Variants in UGT2B7 observed in about 807,000 individuals in gnomAD.
UGT2B7 encodes UDP glucuronosyltransferase family 2 member B7.
A neutral mutation model predicts 51.9 loss-of-function variants in UGT2B7; 51 were observed. The ratio of observed to expected loss-of-function variants is 0.98; its 90% CI spans 0.78 to 1.24. The LOEUF is 1.24. UGT2B7 is among the 50% of genes most tolerant of loss of function. The probability of loss-of-function intolerance (pLI) is 0.00; values close to 1 mark genes in which losing one functional copy is unlikely to be tolerated. For synonymous variants in UGT2B7, 225 were observed against 211.6 expected, an observed-to-expected ratio of 1.06 and a Z score of -0.55; for missense variants, 727 against 628.4, an observed-to-expected ratio of 1.16 and a Z score of -1.68.
intron 1 of UGT2B7, among the ~76,000 whole-genome samples, chr4:69,086,567 A>G (rs1260180324): frequency 6.6e-6 from 1 of 151,882 alleles, no homozygotes; most frequent in Non-Finnish European, 1.5e-5. Flanking sequence ...TATTATTGTA[A>G]GTAAAGTGCT....
intron 1 of UGT2B7, among the ~76,000 whole-genome samples, chr4:69,069,336 T>C (rs1223653078): frequency 4.6e-5 from 7 of 152,044 alleles, no homozygotes; most frequent in East Asian, 1.9e-4. Context: ...AATTTTTTTT[T>C]CCCTGGATAA....
At chr4:69,075,630 C>T (rs1343430626) in intron 1 of UGT2B7, among the ~76,000 whole-genome samples, 1 of 152,076 alleles carries the variant, frequency 6.6e-6, no homozygotes, top group Non-Finnish European at 1.5e-5. Flanking sequence ...AAGTATCAGC[C>T]TGAGAAATAC....
rs756082617 is a variant in UGT2B7, at chr4:69,096,775, G to A, written c.255G>A (p.Glu85=). The change falls in exon 1 of 6, where the codon GAG becomes GAA. Residue 85 remains glutamate, a synonymous_variant. Transcript: ENST00000305231. ...EIYPTSLTKT[E]LENFIMQQIK... is the part of the protein sequence containing the mutation. ...ATCCCACATCTTTAACTAAAACTGA[G>A]TTGGAGAATTTCATCATGCAACAGA... The A allele has an allele frequency of 3.5e-5, 57 of 1,613,944 alleles. No individual in the cohort carries two copies. Among genetic ancestry groups the A allele is most frequent in the Admixed American group, 5.0e-5 (3 of 59,970 alleles).
intron 1 of UGT2B7, among the ~76,000 whole-genome samples, chr4:69,064,966 A>G (rs917164360): frequency 6.6e-6 from 1 of 152,186 alleles, no homozygotes; most frequent in Non-Finnish European, 1.5e-5. Flanking sequence ...CAGGTAACAG[A>G]TATCACCAAA....
chr4:69,103,737 T>C (rs1044646035), intron 3 of UGT2B7, among the ~76,000 whole-genome samples: 1 of 152,172 alleles, frequency 6.6e-6, no homozygotes, highest in Non-Finnish European at 1.5e-5. Context: ...CTATTACTTA[T>C]TGTACTCTGG....
chr4:69,069,419 A>C (rs7668373), intron 1 of UGT2B7, among the ~76,000 whole-genome samples: 26,972 of 151,878 alleles, frequency 0.18, 2,534 homozygotes, highest in East Asian at 0.39. Context: ...TAGGCTACAA[A>C]CACTTGTTCT....
intron 1 of UGT2B7, among the ~76,000 whole-genome samples, chr4:69,081,238 A>G (rs1718830471): frequency 6.6e-6 from 1 of 152,170 alleles, no homozygotes; most frequent in Non-Finnish European, 1.5e-5. Flanking sequence ...TTGATACAAC[A>G]CTTTCAGCAT....
intron 5 of UGT2B7, among the ~76,000 whole-genome samples, chr4:69,110,031 T>A (rs1214513409): frequency 1.3e-5 from 2 of 152,100 alleles, no homozygotes; most frequent in East Asian, 3.9e-4. Flanking sequence ...ATACAAATAC[T>A]TTCACTCAAT....
intron 1 of UGT2B7, among the ~76,000 whole-genome samples, chr4:69,064,271 ATG>A (rs1358771738): frequency 6.6e-6 from 1 of 152,234 alleles, no homozygotes; most frequent in Non-Finnish European, 1.5e-5. Flanking sequence ...CACCAAAAAA[ATG>A]TGGTCTGTAG....
upstream of UGT2B7, among the ~76,000 whole-genome samples, chr4:69,091,487 A>G (rs1272156323): frequency 2.0e-5 from 3 of 152,096 alleles, no homozygotes; most frequent in Non-Finnish European, 2.9e-5. Flanking sequence ...ATTTTTCTGG[A>G]TACATAATTT....
intron 1 of UGT2B7, among the ~76,000 whole-genome samples, chr4:69,052,917 T>A (rs1269782518): frequency 4.6e-5 from 7 of 152,272 alleles, no homozygotes; most frequent in Admixed American, 1.3e-4. Flanking sequence ...GTTAAAAAAA[T>A]TATTGTTTTA....
chr4:69,106,055 A>T (rs1424040489), intron 3 of UGT2B7, among the ~76,000 whole-genome samples: 1 of 152,160 alleles, frequency 6.6e-6, no homozygotes, highest in Non-Finnish European at 1.5e-5. Context: ...TAAAATTTTT[A>T]TACATTTTTA....
At position 69,112,759 on chromosome 4, in the gene UGT2B7, G is replaced by C. The variant is rs1719819130; in HGVS notation, c.*23G>C. Reference sequence around the variant, plus strand: ...TAGTTATATCTGAGATTTGAAGCTGGAAAACCTGATAGGTGAGACTACTTC... The same window carrying C: ...TAGTTATATCTGAGATTTGAAGCTGCAAAACCTGATAGGTGAGACTACTTC... On this transcript the variant is annotated 3_prime_UTR_variant, in exon 6 of 6. Coordinates refer to ENST00000305231, the MANE Select transcript of UGT2B7 (RefSeq NM_001074.4). 6.2e-7 allele frequency: 1 copy of C among 1,609,474 alleles called. No homozygotes were observed. The highest frequency in any genetic ancestry group is 1.4e-5 in the African/African-American group (1 of 73,704).
chr4:69,107,317 T>G, intron 4 of UGT2B7, 55 bp downstream of exon 4: 2 of 1,505,174 alleles, frequency 1.3e-6, no homozygotes. Context: ...ATTAGAGTGT[T>G]AATAGTTCAT....
chr4:69,063,576 C>A (rs541358163), intron 1 of UGT2B7, among the ~76,000 whole-genome samples: 1 of 152,102 alleles, frequency 6.6e-6, no homozygotes, highest in East Asian at 1.9e-4. Flanking sequence ...CCTCCTAGCC[C>A]AAAAAGAAGG....
At chr4:69,108,455 T>C (rs558943640) in intron 5 of UGT2B7, 133 bp downstream of exon 5, 1 of 1,109,078 alleles carries the variant, frequency 9.0e-7, no homozygotes, top group East Asian at 2.7e-5. Context: ...ATCTGAAATC[T>C]GCTTTTATTT....
intron 1 of UGT2B7, among the ~76,000 whole-genome samples, chr4:69,059,681 G>T (rs912015546): frequency 1.5e-4 from 23 of 152,048 alleles, no homozygotes; most frequent in Non-Finnish European, 2.9e-4. Flanking sequence ...ACTCCCTGAG[G>T]CCATACTGGG....
At chr4:69,055,112 A>G (rs1422265820) in intron 1 of UGT2B7, among the ~76,000 whole-genome samples, 3 of 149,128 alleles carry the variant, frequency 2.0e-5, no homozygotes, top group Non-Finnish European at 4.5e-5. Flanking sequence ...AAAAAAAAAA[A>G]AAAAAAAAAA....
chr4:69,094,047 T>A (rs1719153363), upstream of UGT2B7, among the ~76,000 whole-genome samples: 1 of 152,174 alleles, frequency 6.6e-6, no homozygotes, highest in Admixed American at 6.5e-5. Context: ...GGCATACTTC[T>A]GAGATGTTGC....
Sources: gnomAD v4.1 joint callset for allele counts (sites outside exome capture counted in the v4.1 genomes callset) on GRCh38, gnomAD v4.1.1 for gene constraint, MANE v1.5 for transcripts, NCBI Gene and HGNC (gene_info 2026-07-23, HGNC 2026-07-21) for gene names.